Variants in RIMS2 observed in about 807,000 individuals in gnomAD.
RIMS2 encodes regulating synaptic membrane exocytosis 2.
RIMS2 carries 59 observed loss-of-function variants against 174.4 expected under a neutral mutation model. The ratio of observed to expected loss-of-function variants is 0.34; its 90% CI spans 0.27 to 0.42. The LOEUF is 0.42. Ranked by LOEUF, RIMS2 falls within the 10% of genes least tolerant of loss-of-function variation. The pLI is 1.00. For missense variants in RIMS2, 1,620 were observed against 1,666.3 expected (o/e 0.97, Z 0.48); for synonymous variants, 606 against 572.5 (o/e 1.06, Z -0.84).
At chr8:104,153,192 A>AT (rs1176744122) in intron 19 of RIMS2, among the ~76,000 whole-genome samples, 1 of 152,142 alleles carries the variant, frequency 6.6e-6, no homozygotes, top group Non-Finnish European at 1.5e-5. Flanking sequence ...TTGGAAACTC[A>AT]TCTTTTAAAT....
At chr8:103,734,251 T>C (rs1413409093) in intron 2 of RIMS2, among the ~76,000 whole-genome samples, 3 of 151,204 alleles carry the variant, frequency 2.0e-5, no homozygotes, top group Admixed American at 2.0e-4. Flanking sequence ...GACCTTGTGA[T>C]CTACCCACCT....
chr8:104,197,037 A>C (rs1173785839), intron 19 of RIMS2, among the ~76,000 whole-genome samples: 4 of 152,174 alleles, frequency 2.6e-5, no homozygotes, highest in Non-Finnish European at 4.4e-5. Flanking sequence ...CACAGATGCA[A>C]AGAACCTAAA....
intron 19 of RIMS2, among the ~76,000 whole-genome samples, chr8:104,107,974 C>A (rs1233882682): frequency 1.3e-5 from 2 of 151,168 alleles, no homozygotes; most frequent in Non-Finnish European, 3.0e-5. Context: ...CCTGCCCCCC[C>A]CCCACAATGG....
intron 1 of RIMS2, among the ~76,000 whole-genome samples, chr8:103,632,440 A>G (rs2095952269): frequency 6.6e-6 from 1 of 152,032 alleles, no homozygotes. Context: ...TGCTTTTTTG[A>G]GGCGGAGTCT....
At chr8:103,701,598 C>G (rs2097168551) in intron 2 of RIMS2, among the ~76,000 whole-genome samples, 1 of 152,080 alleles carries the variant, frequency 6.6e-6, no homozygotes, top group Non-Finnish European at 1.5e-5. Flanking sequence ...CCCTTCCCAG[C>G]CTCCAGTAAT....
At chr8:103,737,175 C>CTTTTTTTTTTTTTTTTT (rs554949027) in intron 2 of RIMS2, among the ~76,000 whole-genome samples, 6 of 67,524 alleles carry the variant, frequency 8.9e-5, no homozygotes, top group Non-Finnish European at 1.3e-4. Flanking sequence ...TTTCTTTGTT[C>CTTTTTTTTTTTTTTTTT]TTTTTTTTTT....
chr8:104,253,686 T>C (rs1403291373), downstream of RIMS2: 1 of 152,224 alleles, frequency 6.6e-6, no homozygotes, highest in Non-Finnish European at 1.5e-5. Context: ...CACCCATGGT[T>C]CTTTATGTAC....
intron 3 of RIMS2, among the ~76,000 whole-genome samples, chr8:103,800,170 C>T (rs1214430527): frequency 1.3e-5 from 2 of 152,010 alleles, no homozygotes; most frequent in African/African-American, 4.8e-5. Flanking sequence ...CTTTTTAGCT[C>T]TCTGTTCTGT....
At chr8:103,668,108 C>T (rs1389894525) in intron 1 of RIMS2, among the ~76,000 whole-genome samples, 1 of 152,170 alleles carries the variant, frequency 6.6e-6, no homozygotes, top group Admixed American at 6.5e-5. Flanking sequence ...ATGGAAGATA[C>T]ATGAGGTTCT....
At chr8:103,739,600 G>A (rs2097734640) in intron 2 of RIMS2, among the ~76,000 whole-genome samples, 1 of 152,090 alleles carries the variant, frequency 6.6e-6, no homozygotes, top group African/African-American at 2.4e-5. Flanking sequence ...CTGGAACTTA[G>A]CTAACACTGG....
At chr8:104,046,261 A>G (rs377027467) in intron 19 of RIMS2, among the ~76,000 whole-genome samples, 1 of 151,836 alleles carries the variant, frequency 6.6e-6, no homozygotes, top group East Asian at 1.9e-4. Flanking sequence ...GGGGCAATGG[A>G]TCTCTCTTGG....
At chr8:103,521,989 G>T (rs1420549004) in intron 1 of RIMS2, among the ~76,000 whole-genome samples, 1 of 151,692 alleles carries the variant, frequency 6.6e-6, no homozygotes, top group Admixed American at 6.6e-5. Flanking sequence ...GGCTAGTAAT[G>T]TTTTTTTTCT....
chr8:103,678,022 T>G (rs1047442073), intron 1 of RIMS2, among the ~76,000 whole-genome samples: 3 of 152,216 alleles, frequency 2.0e-5, no homozygotes, highest in Non-Finnish European at 4.4e-5. Flanking sequence ...GTTCACTATG[T>G]AACTGTACTC....
chr8:104,010,827 C>CT (rs1310162916), intron 17 of RIMS2, among the ~76,000 whole-genome samples: 2 of 151,862 alleles, frequency 1.3e-5, no homozygotes, highest in Non-Finnish European at 1.5e-5. Context: ...CATGGCCACT[C>CT]TTTTTGGAAT....
chr8:103,523,386 G>T (rs905529106), intron 1 of RIMS2, among the ~76,000 whole-genome samples: 1 of 151,846 alleles, frequency 6.6e-6, no homozygotes, highest in Admixed American at 6.6e-5. Flanking sequence ...AAGTAATTTT[G>T]TGTGTGTGTT....
At chr8:103,717,240 G>A (rs1360627782) in intron 2 of RIMS2, among the ~76,000 whole-genome samples, 3 of 142,576 alleles carry the variant, frequency 2.1e-5, no homozygotes, top group Admixed American at 1.5e-4. Context: ...GGCAAATATC[G>A]AATGTGGGTT....
intron 17 of RIMS2, among the ~76,000 whole-genome samples, chr8:104,004,637 C>T (rs146225008): frequency 6.6e-6 from 1 of 151,894 alleles, no homozygotes. Context: ...TCTTTCCCTT[C>T]GAGTAAGAAA....
At chr8:104,223,497 G>A in intron 19 of RIMS2, 2 of 1,389,044 alleles carry the variant, frequency 1.4e-6, no homozygotes, top group Non-Finnish European at 1.9e-6. Flanking sequence ...CGTCTCCTCC[G>A]GGCTGGGTCA....
rs368953232 is a variant in RIMS2 at position 103,868,336 on chromosome 8, C to T, written c.699-16962C>T. On this transcript the variant is annotated intron_variant, in intron 3 of 23. Coordinates refer to ENST00000504942, the Ensembl canonical transcript of RIMS2. ...ATTCTTTTGACTAGTCCAGAATGAA[C>T]GTAAGGCAATACGTTCTTGTTCCTG... Among the ~76,000 whole-genome samples, 180 of 152,024 alleles carry T rather than the reference C, an allele frequency of 1.2e-3. 4 individuals are homozygous for T. The South Asian group carries it at 0.031, about 26-fold the overall frequency.
Sources: allele counts gnomAD v4.1 joint callset (sites outside exome capture counted in the v4.1 genomes callset), GRCh38; gene constraint gnomAD v4.1.1; transcripts MANE v1.5; gene names NCBI Gene and HGNC (gene_info 2026-07-23, HGNC 2026-07-21).